The following GPR176 variants were observed in gnomAD, a reference collection of about 807,000 sequenced individuals.
GPR176 encodes G-protein coupled receptor 176.
In GPR176, 26 loss-of-function variants were observed where a neutral mutation model predicts 35.4. The observed-to-expected ratio is 0.74, with a 90% CI of 0.54 to 1.02. The LOEUF is 1.02. Among genes scored for constraint, GPR176 ranks in the 50% least tolerant of loss-of-function variants. The pLI, the probability that GPR176 is intolerant of heterozygous loss-of-function variation, is 0.00. For missense variants in GPR176, 597 were observed against 665.3 expected (o/e 0.90, Z 1.13); for synonymous variants, 278 against 271.3 (o/e 1.02, Z -0.24).
Position 39,807,012 on chromosome 15 carries a change from A to T in GPR176, c.419T>A (p.Leu140Ter). The T allele has an allele frequency of 6.2e-7, 1 of 1,612,238 alleles. No individual in the cohort carries two copies. Among genetic ancestry groups the T allele is most frequent in the Non-Finnish European group, 8.5e-7 (1 of 1,179,374 alleles). Residue 140 changes from leucine to a stop codon, truncating the protein, a stop_gained, in exon 2 of 3, where the codon TTG (leucine) becomes TAG (stop). Coordinates refer to ENST00000561100, the MANE Select transcript of GPR176 (RefSeq NM_007223.3). LOFTEE classifies it high-confidence loss of function. ...VTILSFPAIA[L>*]DRYYSVLYPL... The stretch of plus-strand genomic sequence containing the variant: ...CCTGGCTACCTGATCTTACCTGTCC[A>T]AAGCAATAGCAGGGAAGCTGAGGAT...
intron 1 of GPR176, among the ~76,000 whole-genome samples, chr15:39,854,698 G>GT (rs1372338717): frequency 2.0e-5 from 3 of 152,152 alleles, no homozygotes; most frequent in African/African-American, 7.2e-5. Context: ...AGTGTCTCCT[G>GT]TTGTGGTCAT....
At chr15:39,812,530 C>A (rs937288815) in intron 1 of GPR176, among the ~76,000 whole-genome samples, 8 of 152,190 alleles carry the variant, frequency 5.3e-5, no homozygotes, top group Non-Finnish European at 1.2e-4. Flanking sequence ...GAAGGCTGCA[C>A]TATTGGCTTC....
intron 1 of GPR176, among the ~76,000 whole-genome samples, chr15:39,840,330 T>C (rs1226309277): frequency 6.6e-6 from 1 of 152,104 alleles, no homozygotes; most frequent in African/African-American, 2.4e-5. Context: ...ATGTCCTTTG[T>C]AGGGACATGG....
chr15:39,822,606 CCTTT>C (rs796533997), intron 1 of GPR176, among the ~76,000 whole-genome samples: 7 of 152,268 alleles, frequency 4.6e-5, no homozygotes, highest in East Asian at 1.9e-4. Context: ...ACTTACCCTT[CCTTT>C]AAGAAAACAA....
At chr15:39,880,303 G>C (rs140970378) in intron 1 of GPR176, among the ~76,000 whole-genome samples, 1 of 152,180 alleles carries the variant, frequency 6.6e-6, no homozygotes, top group East Asian at 1.9e-4. Context: ...CTCCCTCCTG[G>C]AAATCCTCTG....
rs1485442825 is a variant in GPR176 at position 39,800,813 on chromosome 15, A to C, written c.*319T>G. On this transcript the variant is annotated 3_prime_UTR_variant, in exon 3 of 3. Transcript: ENST00000561100. Reference sequence around the variant, plus strand: ...GTGTGTTCTCTGCAGAGCCCAGGGAAGTGAGGCATCCTCAGAAAGTGCACA... The same window carrying C: ...GTGTGTTCTCTGCAGAGCCCAGGGACGTGAGGCATCCTCAGAAAGTGCACA... 3.6e-6 allele frequency: 1 copy of C among 279,958 alleles called. No homozygotes were observed. Among genetic ancestry groups the C allele is most frequent in the East Asian group, 9.1e-5 (1 of 11,024 alleles). The allele number at this position is 279,958 out of a possible 1,614,324, so 17.3% of individuals were successfully genotyped here. A position where few individuals can be genotyped will look rare whatever the true frequency, so the allele number is the denominator to read the frequency against.
At chr15:39,826,455 C>T (rs1900658496) in intron 1 of GPR176, among the ~76,000 whole-genome samples, 1 of 152,050 alleles carries the variant, frequency 6.6e-6, no homozygotes, top group Non-Finnish European at 1.5e-5. Context: ...AAAGGGGGAC[C>T]ACTGAGAAAT....
At chr15:39,843,117 A>C (rs1377609053) in intron 1 of GPR176, among the ~76,000 whole-genome samples, 2 of 151,916 alleles carry the variant, frequency 1.3e-5, no homozygotes, top group Non-Finnish European at 2.9e-5. Flanking sequence ...GGGAAGAGTC[A>C]TGGTGGCCAG....
At chr15:39,855,068 T>G (rs1429314759) in intron 1 of GPR176, among the ~76,000 whole-genome samples, 3 of 146,612 alleles carry the variant, frequency 2.0e-5, no homozygotes, top group Non-Finnish European at 4.5e-5. Context: ...AAAAAAAAAG[T>G]AATTCATTCT....
intron 1 of GPR176, among the ~76,000 whole-genome samples, chr15:39,878,096 C>CTCTGTGTGTGTG (rs1555408568): frequency 7.7e-6 from 1 of 129,934 alleles, no homozygotes; most frequent in Admixed American, 7.7e-5. Flanking sequence ...CCATAGTTAC[C>CTCTGTGTGTGTG]TGTGTGTGTG....
intron 1 of GPR176, among the ~76,000 whole-genome samples, chr15:39,870,556 A>G (rs925127659): frequency 2.0e-5 from 3 of 152,194 alleles, no homozygotes; most frequent in African/African-American, 7.2e-5. Context: ...TAACACCAAA[A>G]CCAGAAAACT....
intron 1 of GPR176, among the ~76,000 whole-genome samples, chr15:39,819,393 C>T (rs1050901310): frequency 6.6e-6 from 1 of 152,206 alleles, no homozygotes; most frequent in African/African-American, 2.4e-5. Flanking sequence ...TATCTGAAAA[C>T]TCTGTCAACC....
chr15:39,885,275 C>T (rs985405094), intron 1 of GPR176, among the ~76,000 whole-genome samples: 2 of 152,216 alleles, frequency 1.3e-5, no homozygotes, highest in African/African-American at 2.4e-5. Flanking sequence ...TCTAGCATTG[C>T]TCTGTTCAAC....
At chr15:39,807,334 A>G in intron 1 of GPR176, 76 bp from the exon 2 acceptor site, 1 of 973,802 alleles carries the variant, frequency 1.0e-6, no homozygotes, top group Non-Finnish European at 1.4e-6. Flanking sequence ...AGTACAGGTT[A>G]AAAAATGTAA....
intron 1 of GPR176, among the ~76,000 whole-genome samples, chr15:39,835,688 T>G (rs531716834): frequency 6.6e-6 from 1 of 152,314 alleles, no homozygotes; most frequent in Non-Finnish European, 1.5e-5. Context: ...GTATCACCTG[T>G]CTTTAAGGAA....
intron 1 of GPR176, among the ~76,000 whole-genome samples, chr15:39,866,677 A>G (rs2031843763): frequency 6.6e-6 from 1 of 152,228 alleles, no homozygotes; most frequent in Non-Finnish European, 1.5e-5. Context: ...AAATGTGATA[A>G]TTCTTACTTT....
intron 1 of GPR176, among the ~76,000 whole-genome samples, chr15:39,826,598 T>A (rs1023757754): frequency 1.3e-5 from 2 of 152,238 alleles, no homozygotes; most frequent in African/African-American, 4.8e-5. Context: ...TGAACACACA[T>A]TAGCTATTCT....
At chr15:39,909,290 T>C (rs73399195) in intron 1 of GPR176, among the ~76,000 whole-genome samples, 2,058 of 152,330 alleles carry the variant, frequency 0.014, 22 homozygotes, top group African/African-American at 0.022. Context: ...CCTAGGGTTA[T>C]GTGACTACTT....
At chr15:39,877,556 T>C (rs892279188) in intron 1 of GPR176, among the ~76,000 whole-genome samples, 4 of 151,416 alleles carry the variant, frequency 2.6e-5, no homozygotes, top group African/African-American at 9.7e-5. Flanking sequence ...TCTTCTTTTT[T>C]TTTTTTTTTT....
Sources: gnomAD v4.1 joint callset for allele counts (sites outside exome capture counted in the v4.1 genomes callset) on GRCh38, gnomAD v4.1.1 for gene constraint, MANE v1.5 for transcripts, NCBI Gene and HGNC (gene_info 2026-07-23, HGNC 2026-07-21) for gene names.